Variants in SCRG1 observed in about 807,000 individuals in gnomAD.
The protein encoded by SCRG1 is scrapie-responsive protein 1.
A neutral mutation model predicts 7.7 loss-of-function variants in SCRG1; 3 were observed. The ratio of observed to expected loss-of-function variants is 0.39; its 90% CI spans 0.18 to 1.01. The LOEUF (loss-of-function observed/expected upper bound fraction) is 1.01. Among genes scored for constraint, SCRG1 ranks in the 50% least tolerant of loss-of-function variants. The probability of loss-of-function intolerance (pLI) is 0.36; values close to 1 mark genes in which losing one functional copy is unlikely to be tolerated. For synonymous variants in SCRG1, 46 were observed against 41.2 expected (o/e 1.12, Z -0.44); for missense variants, 110 against 117.2 (o/e 0.94, Z 0.28).
chr4:173,445,298 C>A, the SCRG1 span, among the ~76,000 whole-genome samples: 2 of 152,094 alleles, frequency 1.3e-5, no homozygotes, highest in Non-Finnish European at 2.9e-5. Flanking sequence ...AATACTCATG[C>A]AAGGCCGGGC....
At chr4:173,460,648 C>T in the SCRG1 span, among the ~76,000 whole-genome samples, 1 of 152,178 alleles carries the variant, frequency 6.6e-6, no homozygotes, top group Non-Finnish European at 1.5e-5. Flanking sequence ...CCCTTGGGCC[C>T]TAAATAACCA....
chr4:173,461,585 G>A, the SCRG1 span, among the ~76,000 whole-genome samples: 1 of 152,150 alleles, frequency 6.6e-6, no homozygotes, highest in African/African-American at 2.4e-5. Flanking sequence ...GCCTTGCTAC[G>A]AAAGACAGCT....
chr4:173,497,566 G>T, the SCRG1 span, among the ~76,000 whole-genome samples: 1 of 150,444 alleles, frequency 6.6e-6, no homozygotes, highest in Non-Finnish European at 1.5e-5. Flanking sequence ...GCAGGAGGAA[G>T]TGCCCTAGAC....
At chr4:173,462,842 T>A in the SCRG1 span, among the ~76,000 whole-genome samples, 2 of 152,226 alleles carry the variant, frequency 1.3e-5, no homozygotes, top group Non-Finnish European at 2.9e-5. Context: ...ATTAGTTTTC[T>A]TTTTGCTTGT....
At chr4:173,482,966 T>C in the SCRG1 span, among the ~76,000 whole-genome samples, 9 of 133,530 alleles carry the variant, frequency 6.7e-5, no homozygotes, top group Non-Finnish European at 9.2e-5. Flanking sequence ...GTACATATTG[T>C]ATATATAATA....
the SCRG1 span, among the ~76,000 whole-genome samples, chr4:173,415,602 T>G: frequency 2.6e-5 from 4 of 152,298 alleles, no homozygotes; most frequent in East Asian, 7.7e-4. Flanking sequence ...TACCAATTAC[T>G]TAGTCTGTCT....
At chr4:173,493,335 G>C in the SCRG1 span, among the ~76,000 whole-genome samples, 2 of 152,096 alleles carry the variant, frequency 1.3e-5, no homozygotes, top group African/African-American at 2.4e-5. Flanking sequence ...GGTAAGACGT[G>C]CTTGCTTCCC....
chr4:173,442,180 C>G, the SCRG1 span, among the ~76,000 whole-genome samples: 1 of 152,206 alleles, frequency 6.6e-6, no homozygotes, highest in East Asian at 1.9e-4. Context: ...GCCTTTGATT[C>G]ATTCTCAGCT....
chr4:173,482,404 G>A, the SCRG1 span, among the ~76,000 whole-genome samples: 2 of 152,126 alleles, frequency 1.3e-5, no homozygotes, highest in Non-Finnish European at 2.9e-5. Context: ...GAGGGGAAGT[G>A]TGGTAAATTA....
the SCRG1 span, among the ~76,000 whole-genome samples, chr4:173,506,668 G>A: frequency 2.6e-5 from 4 of 152,150 alleles, no homozygotes; most frequent in Admixed American, 6.5e-5. This position sits in a 1 kb window ranked among gnomAD's most constrained non-coding sequence, Gnocchi z 5.3. Flanking sequence ...GAACTGAGGC[G>A]GGGTTGTGGA....
intron 1 of SCRG1, among the ~76,000 whole-genome samples, chr4:173,393,917 A>T (rs908349559): frequency 5.3e-5 from 8 of 152,132 alleles, no homozygotes; most frequent in African/African-American, 1.9e-4. Context: ...ATTTTGTCAG[A>T]TATGAAATAG....
the SCRG1 span, among the ~76,000 whole-genome samples, chr4:173,416,972 A>ACCACACACACACC: frequency 2.2e-4 from 31 of 142,650 alleles, no homozygotes; most frequent in Non-Finnish European, 3.7e-4. Flanking sequence ...CATCACACAC[A>ACCACACACACACC]CCACACACAC....
At chr4:173,401,104 A>C (rs1560834161), upstream of SCRG1, among the ~76,000 whole-genome samples, 1 of 152,192 alleles carries the variant, frequency 6.6e-6, no homozygotes, top group Non-Finnish European at 1.5e-5. Flanking sequence ...AGCAAAGAGA[A>C]GGTCAATACA....
At chr4:173,514,176 A>C in the SCRG1 span, among the ~76,000 whole-genome samples, 1 of 152,196 alleles carries the variant, frequency 6.6e-6, no homozygotes, top group South Asian at 2.1e-4. Context: ...GGCAAAATGC[A>C]CACTAGTCCT....
At chr4:173,498,020 C>T in the SCRG1 span, among the ~76,000 whole-genome samples, 5 of 152,274 alleles carry the variant, frequency 3.3e-5, no homozygotes, top group Non-Finnish European at 7.4e-5. Flanking sequence ...CTAGCTTCTT[C>T]GCCTTCTCCC....
intron 2 of SCRG1, among the ~76,000 whole-genome samples, chr4:173,389,152 A>T (rs1230701941): frequency 6.6e-6 from 1 of 152,240 alleles, no homozygotes; most frequent in Admixed American, 6.5e-5. Flanking sequence ...GAGATTAATT[A>T]ACTCAAGTTC....
chr4:173,506,361 C>G, the SCRG1 span, among the ~76,000 whole-genome samples: 1 of 152,118 alleles, frequency 6.6e-6, no homozygotes, highest in East Asian at 1.9e-4. This position sits in a 1 kb window ranked among gnomAD's most constrained non-coding sequence, Gnocchi z 5.3. Context: ...AGCCCCGTCT[C>G]CCAGGTTACC....
chr4:173,426,350 C>T, the SCRG1 span, among the ~76,000 whole-genome samples: 1 of 152,152 alleles, frequency 6.6e-6, no homozygotes, highest in Non-Finnish European at 1.5e-5. Context: ...TTCCTCTTCT[C>T]CTCCCCTCCC....
At chr4:173,396,697 T>C (rs1739612549) in intron 1 of SCRG1, among the ~76,000 whole-genome samples, 1 of 148,172 alleles carries the variant, frequency 6.7e-6, no homozygotes, top group Non-Finnish European at 1.5e-5. Context: ...ACCTAGCAAG[T>C]ACCTACTGGT....
Sources: allele counts gnomAD v4.1 joint callset (sites outside exome capture counted in the v4.1 genomes callset), GRCh38; gene constraint gnomAD v4.1.1; non-coding constraint Gnocchi (gnomAD v3.1); transcripts MANE v1.5; gene names NCBI Gene and HGNC (gene_info 2026-07-23, HGNC 2026-07-21).